The following ITSN1 variants were observed in gnomAD, a reference collection of about 807,000 sequenced individuals.
ITSN1 encodes intersectin 1, also known as intersectin-1.
A neutral mutation model predicts 239.8 loss-of-function variants in ITSN1; 58 were observed. That is an observed-to-expected ratio of 0.24 (90% CI 0.20 to 0.30). The LOEUF (loss-of-function observed/expected upper bound fraction) is 0.30. Among genes scored for constraint, ITSN1 ranks in the 10% least tolerant of loss-of-function variants. The pLI, the probability that ITSN1 is intolerant of heterozygous loss-of-function variation, is 1.00. For missense variants in ITSN1, 1,558 were observed against 2,103.3 expected, an observed-to-expected ratio of 0.74 and a Z score of 5.07; for synonymous variants, 780 against 770.8, an observed-to-expected ratio of 1.01 and a Z score of -0.20.
Position 33,723,938 on chromosome 21 carries a change from A to G in ITSN1, c.185+1287A>G, listed in dbSNP as rs573869328. Among the ~76,000 whole-genome samples, 55 of 152,334 alleles carry G rather than the reference A, an allele frequency of 3.6e-4. 2 individuals are homozygous for G. The South Asian group carries it at 9.3e-3, about 26-fold the overall frequency. On this transcript the variant is annotated intron_variant, in intron 4 of 39. Transcript: ENST00000381318. ...AAATTACCAAACTTTTAAATTTATA[A>G]TCTTGTGGAAATTAATAAAGGTTGA...
At chr21:33,656,328 G>A (rs535900216) in intron 1 of ITSN1, among the ~76,000 whole-genome samples, 6 of 152,308 alleles carry the variant, frequency 3.9e-5, no homozygotes, top group South Asian at 2.1e-4. Flanking sequence ...CCTTTACTCA[G>A]TGTATGATCA....
chr21:33,745,848 G>A (rs866720145), intron 5 of ITSN1, among the ~76,000 whole-genome samples: 2 of 152,214 alleles, frequency 1.3e-5, no homozygotes, highest in African/African-American at 4.8e-5. Flanking sequence ...GGGTGGGCCC[G>A]AGTCAGCTGC....
chr21:33,885,539 C>T lies in ITSN1; in HGVS notation c.4843+17C>T, dbSNP rs371572066. On this transcript the variant is annotated intron_variant, in intron 38 of 39. Coordinates refer to ENST00000381318, the MANE Select transcript of ITSN1 (RefSeq NM_003024.3). ...GGTCACATGGTAAGGCTGTGAGGCG[C>T]CCCCGGCTCCTGCTTTGGGGTTGGG... is the stretch of plus-strand genomic sequence containing the variant. 2.4e-5 allele frequency: 38 copies of T among 1,607,008 alleles called. No individual in the cohort carries two copies. The highest frequency in any genetic ancestry group is 5.4e-5 in the African/African-American group (4 of 74,732).
At chr21:33,866,121 C>T (rs925044653) in intron 32 of ITSN1, among the ~76,000 whole-genome samples, 1 of 152,190 alleles carries the variant, frequency 6.6e-6, no homozygotes, top group Non-Finnish European at 1.5e-5. Context: ...GACAGGCCAT[C>T]CTCACCTGTC....
intron 20 of ITSN1, among the ~76,000 whole-genome samples, chr21:33,806,778 T>C (rs1207265936): frequency 3.3e-5 from 5 of 152,214 alleles, no homozygotes; most frequent in Admixed American, 3.3e-4. Flanking sequence ...TTGTTAATAA[T>C]AACATCTCCC....
intron 1 of ITSN1, among the ~76,000 whole-genome samples, chr21:33,677,009 G>A (rs1444339174): frequency 5.5e-5 from 8 of 146,392 alleles, no homozygotes; most frequent in Non-Finnish European, 1.1e-4. Flanking sequence ...CCTGTCGTGA[G>A]GTGCGGGGAG....
At chr21:33,871,148 CAAAAA>C (rs1982643475) in intron 33 of ITSN1, among the ~76,000 whole-genome samples, 1 of 146,346 alleles carries the variant, frequency 6.8e-6, no homozygotes, top group Non-Finnish European at 1.5e-5. Flanking sequence ...AAACAAAAAA[CAAAAA>C]CCCAAATTTT....
intron 24 of ITSN1, among the ~76,000 whole-genome samples, chr21:33,820,456 A>G (rs1263850952): frequency 2.0e-5 from 3 of 152,222 alleles, no homozygotes; most frequent in Admixed American, 1.3e-4. Flanking sequence ...GGAGAATAGA[A>G]TGTTTTATTT....
chr21:33,696,224 AAAT>A (rs2091786943), intron 1 of ITSN1, among the ~76,000 whole-genome samples: 1 of 152,130 alleles, frequency 6.6e-6, no homozygotes, highest in Non-Finnish European at 1.5e-5. Flanking sequence ...ACACATTGGT[AAAT>A]AATCTTCAGC....
At chr21:33,723,643 C>CA (rs2065639969) in intron 4 of ITSN1, among the ~76,000 whole-genome samples, 1 of 152,048 alleles carries the variant, frequency 6.6e-6, no homozygotes, top group Admixed American at 6.6e-5. Flanking sequence ...GATTTGTAGT[C>CA]GTACACCTGA....
intron 1 of ITSN1, among the ~76,000 whole-genome samples, chr21:33,675,050 A>C (rs1163950749): frequency 6.6e-6 from 1 of 152,208 alleles, no homozygotes; most frequent in African/African-American, 2.4e-5. Context: ...TCTTCATGTG[A>C]ATATATCCAT....
chr21:33,858,584 A>G (rs1170706807), intron 30 of ITSN1, 102 bp from the exon 31 acceptor site: 8 of 701,010 alleles, frequency 1.1e-5, no homozygotes, highest in East Asian at 1.1e-4. Flanking sequence ...CAGCCAAGGT[A>G]CAGACACCTG....
At chr21:33,771,952 C>G (rs2069197781) in intron 11 of ITSN1, 109 bp from the exon 12 acceptor site, 2 of 1,242,484 alleles carry the variant, frequency 1.6e-6, no homozygotes, top group African/African-American at 1.5e-5. Context: ...TTAGGGAGTT[C>G]TGGGTTTGGG....
chr21:33,810,129 C>T (rs1049898277), intron 20 of ITSN1, among the ~76,000 whole-genome samples: 2 of 152,154 alleles, frequency 1.3e-5, no homozygotes, highest in Non-Finnish European at 2.9e-5. Context: ...TGATTGTCCT[C>T]CAAAGTCATT....
intron 34 of ITSN1, among the ~76,000 whole-genome samples, chr21:33,878,039 TGTGTG>T: frequency 6.6e-6 from 1 of 150,630 alleles, no homozygotes; most frequent in African/African-American, 2.4e-5. Flanking sequence ...TGTGTGTGTG[TGTGTG>T]TGTTTGTTTT....
chr21:33,778,819 C>T (rs1375002829), intron 14 of ITSN1, among the ~76,000 whole-genome samples: 2 of 140,890 alleles, frequency 1.4e-5, no homozygotes, highest in African/African-American at 3.2e-5. Context: ...ACCTCGTGAT[C>T]CGCCCGCCTC....
chr21:33,752,142 ATT>A (rs543236311), intron 7 of ITSN1, among the ~76,000 whole-genome samples: 4 of 144,292 alleles, frequency 2.8e-5, no homozygotes. Flanking sequence ...GGCTTTGTGT[ATT>A]TTTTTTTTTT....
chr21:33,791,258 C>T (rs546599881), intron 16 of ITSN1, among the ~76,000 whole-genome samples: 1 of 152,276 alleles, frequency 6.6e-6, no homozygotes, highest in South Asian at 2.1e-4. Flanking sequence ...CAGTGTTTGA[C>T]TTGGATGAAG....
At chr21:33,792,714 A>G (rs1310536971) in intron 16 of ITSN1, among the ~76,000 whole-genome samples, 1 of 152,092 alleles carries the variant, frequency 6.6e-6, no homozygotes, top group African/African-American at 2.4e-5. Flanking sequence ...ATTGCTTTCC[A>G]GTCTTAGCCT....
Sources: gnomAD v4.1 joint callset for allele counts (sites outside exome capture counted in the v4.1 genomes callset) on GRCh38, gnomAD v4.1.1 for gene constraint, MANE v1.5 for transcripts, NCBI Gene and HGNC (gene_info 2026-07-23, HGNC 2026-07-21) for gene names.